Variants in PGPEP1L observed in about 807,000 individuals in gnomAD.
The protein encoded by PGPEP1L is pyroglutamyl-peptidase 1-like protein.
Under a neutral mutation model 6.0 loss-of-function variants are expected in PGPEP1L, and 7 were observed. That is an observed-to-expected ratio of 1.17 (90% CI 0.66 to 2.19). The LOEUF (loss-of-function observed/expected upper bound fraction) is 2.19, where lower values mean the gene tolerates loss of function less well. PGPEP1L is among the 30% of genes most tolerant of loss of function. The probability of loss-of-function intolerance (pLI) is 0.00; values close to 1 mark genes in which losing one functional copy is unlikely to be tolerated. For synonymous variants in PGPEP1L, 103 were observed against 83.9 expected (o/e 1.23, Z -1.24); for missense variants, 209 against 192.5 (o/e 1.09, Z -0.51).
chr15:98,987,092 G>A (rs1479359619), intron 2 of PGPEP1L, among the ~76,000 whole-genome samples: 16 of 145,522 alleles, frequency 1.1e-4, no homozygotes, highest in South Asian at 2.2e-4. Flanking sequence ...GCTTAAACCC[G>A]GGAGGCGAGG....
At chr15:98,970,682 G>A (rs1224616277) in intron 3 of PGPEP1L, among the ~76,000 whole-genome samples, 2 of 152,170 alleles carry the variant, frequency 1.3e-5, no homozygotes. Context: ...AGAGGTCCTT[G>A]CCTCACGTCC....
chr15:98,976,698 G>A (rs1250525824), intron 2 of PGPEP1L, among the ~76,000 whole-genome samples: 3 of 152,222 alleles, frequency 2.0e-5, no homozygotes, highest in Non-Finnish European at 4.4e-5. Context: ...GCTGAGGCCT[G>A]AGCACGGTGA....
rs2017868144 is a variant in PGPEP1L, at chr15:98,994,983, GT to G, written c.-142+10445del. Among the ~76,000 whole-genome samples, 3 of 152,218 alleles carry G rather than the reference GT, an allele frequency of 2.0e-5. No individual in the cohort carries two copies. In the South Asian group the frequency reaches 6.2e-4, roughly 32 times the overall value. ...TTTCTCTCTGGCTAAAGATCTCCTTGTTTTTGGTATTCTGTAGCTTAACTAT... is the reference window on the plus strand; with the variant it reads ...TTTCTCTCTGGCTAAAGATCTCCTTGTTTTGGTATTCTGTAGCTTAACTAT... On this transcript the variant is annotated intron_variant, in intron 2 of 4. Coordinates refer to ENST00000535714, the MANE Select transcript of PGPEP1L (RefSeq NM_001167902.2).
chr15:98,999,318 A>G (rs2017928779), intron 2 of PGPEP1L, among the ~76,000 whole-genome samples: 1 of 152,238 alleles, frequency 6.6e-6, no homozygotes, highest in Non-Finnish European at 1.5e-5. Context: ...GTGGCAAATA[A>G]GCACATGAAA....
intron 2 of PGPEP1L, among the ~76,000 whole-genome samples, chr15:98,994,996 T>C (rs2017868332): frequency 6.6e-6 from 1 of 152,236 alleles, no homozygotes; most frequent in South Asian, 2.1e-4. Flanking sequence ...TTTGGTATTC[T>C]GTAGCTTAAC....
At chr15:99,001,871 C>A (rs1180880800) in intron 2 of PGPEP1L, among the ~76,000 whole-genome samples, 1 of 152,142 alleles carries the variant, frequency 6.6e-6, no homozygotes, top group Non-Finnish European at 1.5e-5. Flanking sequence ...GTGCCCATCA[C>A]CATGCCCAGC....
At chr15:98,971,677 CAG>C (rs2017499972) in intron 2 of PGPEP1L, among the ~76,000 whole-genome samples, 1 of 152,178 alleles carries the variant, frequency 6.6e-6, no homozygotes, top group Non-Finnish European at 1.5e-5. Context: ...TTGAAAGAAA[CAG>C]ATACTAACAT....
chr15:98,980,855 CT>C (rs2017648318), intron 2 of PGPEP1L, among the ~76,000 whole-genome samples: 1 of 151,818 alleles, frequency 6.6e-6, no homozygotes, highest in African/African-American at 2.4e-5. Context: ...TTGCTCGAAC[CT>C]GGGGGGCAGA....
Position 98,972,468 on chromosome 15 carries a change from G to A in PGPEP1L, c.-141-1310C>T, listed in dbSNP as rs187420461. Among the ~76,000 whole-genome samples the A allele has an allele frequency of 2.4e-3, 359 of 152,078 alleles. 1 individual carries two copies. Among genetic ancestry groups the A allele is most frequent in the Non-Finnish European group, 4.1e-3 (278 of 67,960 alleles). ...TAAAGATAGTAAGAGAGGAAAAAAG[G>A]AAGAAGGGATCTACAAAGCAACCAG... is the stretch of plus-strand genomic sequence containing the variant. On this transcript the variant is annotated intron_variant, in intron 2 of 4. Transcript: ENST00000535714.
intron 2 of PGPEP1L, 41 bp from the exon 3 acceptor site, chr15:98,971,199 GGGGGGGGGGGGT>G (rs749415289): frequency 4.9e-5 from 16 of 325,176 alleles, no homozygotes; most frequent in African/African-American, 7.2e-5. Context: ...GTTGATGGGG[GGGGGGGGGGGGT>G]GGGCACCAAG....
chr15:98,986,291 G>C (rs2017745761), intron 2 of PGPEP1L, among the ~76,000 whole-genome samples: 1 of 152,226 alleles, frequency 6.6e-6, no homozygotes, highest in South Asian at 2.1e-4. Context: ...AAACAATCAA[G>C]TGATCAGAGA....
intron 2 of PGPEP1L, among the ~76,000 whole-genome samples, chr15:99,003,196 G>T (rs1171075980): frequency 8.3e-6 from 1 of 120,558 alleles, no homozygotes; most frequent in Non-Finnish European, 1.6e-5. Flanking sequence ...ATAGAAAATA[G>T]TGAGATTAAA....
At position 98,995,385 on chromosome 15, in the gene PGPEP1L, T is replaced by A. The variant is rs574417334; in HGVS notation, c.-142+10044A>T. Among the ~76,000 whole-genome samples the A allele has an allele frequency of 3.1e-3, 472 of 152,316 alleles. 3 individuals carry two copies. The highest frequency in any genetic ancestry group is 0.01 in the Middle Eastern group (3 of 294). On this transcript the variant is annotated intron_variant, in intron 2 of 4. Coordinates refer to ENST00000535714, the MANE Select transcript of PGPEP1L (RefSeq NM_001167902.2). ...TTATTGAGATATAATTCACCTCCCATACAATTATCCCATTTAAAGCCTACA... is the reference window on the plus strand; with the variant it reads ...TTATTGAGATATAATTCACCTCCCAAACAATTATCCCATTTAAAGCCTACA...
At position 99,005,090 on chromosome 15, in the gene PGPEP1L, C is replaced by T. The variant is rs538987317; in HGVS notation, c.-142+339G>A. 1.8e-4 allele frequency among the ~76,000 whole-genome samples: 27 copies of T among 152,186 alleles called. No homozygotes were observed. In the East Asian group the frequency reaches 4.6e-3, roughly 26 times the overall value. Reference sequence around the variant, plus strand: ...CCCCCAAGGGATACCTCACGTGCCTCGGGCCCCACTCAGGGAAAACAGGTA... The same window carrying T: ...CCCCCAAGGGATACCTCACGTGCCTTGGGCCCCACTCAGGGAAAACAGGTA... On this transcript the variant is annotated intron_variant, in intron 2 of 4. Coordinates refer to ENST00000535714, the MANE Select transcript of PGPEP1L (RefSeq NM_001167902.2).
At chr15:98,975,206 G>A (rs1354578206) in intron 2 of PGPEP1L, among the ~76,000 whole-genome samples, 4 of 152,176 alleles carry the variant, frequency 2.6e-5, no homozygotes, top group Admixed American at 6.5e-5. Flanking sequence ...TATGTTAAGT[G>A]AAATAAGCCA....
chr15:99,000,313 G>A (rs1025410228), intron 2 of PGPEP1L, among the ~76,000 whole-genome samples: 31 of 152,180 alleles, frequency 2.0e-4, no homozygotes, highest in Non-Finnish European at 4.0e-4. Flanking sequence ...CTGTGCCAAC[G>A]AGCCTCCCAG....
In PGPEP1L at chr15:99,007,145, T is replaced by C. The variant is rs72754840; in HGVS notation, c.-370+214A>G. 5.3e-5 allele frequency among the ~76,000 whole-genome samples: 8 copies of C among 152,164 alleles called. No homozygotes were observed. The South Asian group carries it at 1.4e-3, about 28-fold the overall frequency. ...TGGTGTGGGCTGCAGGCCTCTTCAC[T>C]GCCAACAGGTGGGAAGCGCCATTTG... On this transcript the variant is annotated intron_variant, in intron 1 of 4. Coordinates refer to ENST00000535714, the MANE Select transcript of PGPEP1L (RefSeq NM_001167902.2).
At chr15:98,987,281 G>A (rs560701919) in intron 2 of PGPEP1L, among the ~76,000 whole-genome samples, 1 of 151,784 alleles carries the variant, frequency 6.6e-6, no homozygotes, top group South Asian at 2.1e-4. Context: ...TGATATTGGA[G>A]TGTTGGTGGT....
At chr15:99,000,314 A>C (rs1260338647) in intron 2 of PGPEP1L, among the ~76,000 whole-genome samples, 1 of 152,166 alleles carries the variant, frequency 6.6e-6, no homozygotes, top group Non-Finnish European at 1.5e-5. Flanking sequence ...TGTGCCAACG[A>C]GCCTCCCAGA....
Sources: allele counts gnomAD v4.1 joint callset (sites outside exome capture counted in the v4.1 genomes callset), GRCh38; gene constraint gnomAD v4.1.1; transcripts MANE v1.5; gene names NCBI Gene and HGNC (gene_info 2026-07-23, HGNC 2026-07-21).